GPCPD1: variants seen among roughly 807,000 people sequenced by gnomAD.
GPCPD1 encodes glycerophosphocholine phosphodiesterase GPCPD1.
A neutral mutation model predicts 89.2 loss-of-function variants in GPCPD1; 29 were observed. The observed-to-expected ratio is 0.33, with a 90% CI of 0.24 to 0.44. The LOEUF is 0.44. Among genes scored for constraint, GPCPD1 ranks in the 20% least tolerant of loss-of-function variants. GPCPD1 has a pLI of 1.00. For synonymous variants in GPCPD1, 258 were observed against 266.3 expected, an observed-to-expected ratio of 0.97 and a Z score of 0.30; for missense variants, 594 against 808.9, an observed-to-expected ratio of 0.73 and a Z score of 3.22.
intron 7 of GPCPD1, among the ~76,000 whole-genome samples, chr20:5,579,567 T>C (rs1978326050): frequency 6.6e-6 from 1 of 152,148 alleles, no homozygotes; most frequent in African/African-American, 2.4e-5. Context: ...AGTCTGGTCT[T>C]GAACTCCCGA....
At position 5,547,820 on chromosome 20, in the gene GPCPD1, A is replaced by G. The variant is rs563214048; in HGVS notation, c.1860T>C (p.Asn620=). Reference sequence around the variant, plus strand: ...GTTCCAATTGCTCCACTTGGAATATATTTGGTTGTTCAGGCATCCAATCAT... The same window carrying G: ...GTTCCAATTGCTCCACTTGGAATATGTTTGGTTGTTCAGGCATCCAATCAT... The part of the protein sequence containing the change: ...RIYDWMPEQP[N]IFQVEQLERL... The change falls in exon 20 of 20, where the codon AAT becomes AAC. Residue 620 remains asparagine, a synonymous_variant. Coordinates refer to ENST00000379019, the MANE Select transcript of GPCPD1 (RefSeq NM_019593.5). The G allele has an allele frequency of 3.5e-5, 56 of 1,606,774 alleles. 2 individuals carry two copies. In the South Asian group the frequency reaches 5.0e-4, roughly 14 times the overall value.
chr20:5,580,240 T>A (rs1978362188), intron 6 of GPCPD1, 109 bp from the exon 7 acceptor site: 3 of 563,986 alleles, frequency 5.3e-6, no homozygotes, highest in Non-Finnish European at 6.3e-6. Context: ...TTTTTTTTTT[T>A]AACCTCCAAA....
chr20:5,598,643 A>C, intron 3 of GPCPD1, 82 bp downstream of exon 3: 1 of 770,840 alleles, frequency 1.3e-6, no homozygotes, highest in Non-Finnish European at 2.2e-6. Context: ...CTAAAAGAAA[A>C]AATACCAAGA....
intron 15 of GPCPD1, 82 bp from the exon 16 acceptor site, chr20:5,561,612 TA>T (rs1403931937): frequency 1.6e-6 from 1 of 639,222 alleles, no homozygotes; most frequent in East Asian, 2.9e-5. Flanking sequence ...CAATTATTAC[TA>T]AAAATAATAA....
chr20:5,553,273 G>C (rs1985538584), intron 19 of GPCPD1, among the ~76,000 whole-genome samples: 1 of 152,138 alleles, frequency 6.6e-6, no homozygotes, highest in Admixed American at 6.5e-5. Context: ...TGTCACTATT[G>C]TAATTGTTTT....
intron 4 of GPCPD1, among the ~76,000 whole-genome samples, chr20:5,591,371 G>A (rs994740035): frequency 6.6e-6 from 1 of 152,156 alleles, no homozygotes; most frequent in Non-Finnish European, 1.5e-5. Flanking sequence ...GCAATGAAAG[G>A]ATCTAAAAAT....
chr20:5,593,598 C>G (rs980458197), intron 3 of GPCPD1, among the ~76,000 whole-genome samples, 187 bp from the exon 4 acceptor site: 2 of 152,142 alleles, frequency 1.3e-5, no homozygotes, highest in Non-Finnish European at 2.9e-5. Context: ...GCAGAAAGAG[C>G]CTTATCTTCA....
At chr20:5,552,065 G>C (rs1985445613) in intron 19 of GPCPD1, among the ~76,000 whole-genome samples, 1 of 152,208 alleles carries the variant, frequency 6.6e-6, no homozygotes, top group Non-Finnish European at 1.5e-5. Flanking sequence ...GTCTCAGCCA[G>C]AGACAATGGA....
intron 15 of GPCPD1, among the ~76,000 whole-genome samples, chr20:5,564,746 T>A (rs1447452687): frequency 1.3e-5 from 2 of 151,776 alleles, no homozygotes; most frequent in Non-Finnish European, 2.9e-5. Context: ...CTGAGTGAGG[T>A]GGGAGGATCG....
intron 11 of GPCPD1, among the ~76,000 whole-genome samples, chr20:5,573,597 A>G (rs1314257555): frequency 6.6e-6 from 1 of 152,212 alleles, no homozygotes; most frequent in Admixed American, 6.5e-5. Context: ...TTTAAAAATT[A>G]GCCAGGCATG....
chr20:5,610,853 C>T lies in GPCPD1; in HGVS notation c.-40G>A, dbSNP rs1380567069. On this transcript the variant is annotated 5_prime_UTR_variant, in exon 1 of 20. Coordinates refer to ENST00000379019, the MANE Select transcript of GPCPD1 (RefSeq NM_019593.5). ...GCTCGCTGCCTCACCTCCGGGTTCG[C>T]TAGTCCGCAGGTCCGCGTCGCCGCC... is the stretch of plus-strand genomic sequence containing the variant. 6.6e-6 allele frequency: 1 copy of T among 151,566 alleles called. No homozygotes were observed. The highest frequency in any genetic ancestry group is 1.5e-5 in the Non-Finnish European group (1 of 67,912). 9.4% of individuals were successfully genotyped at this position (151,566 alleles called of 1,614,324 possible).
At chr20:5,550,800 A>G (rs919282693) in intron 19 of GPCPD1, among the ~76,000 whole-genome samples, 1 of 152,242 alleles carries the variant, frequency 6.6e-6, no homozygotes, top group African/African-American at 2.4e-5. Flanking sequence ...GACATGTCCC[A>G]TAAAACTCAT....
intron 19 of GPCPD1, chr20:5,549,546 T>C (rs1985246076): frequency 6.4e-6 from 6 of 938,226 alleles, no homozygotes; most frequent in East Asian, 3.2e-5. Flanking sequence ...AATCGAGATT[T>C]TGGAGCTGAA....
intron 19 of GPCPD1, chr20:5,549,554 G>A (rs1985246293): frequency 3.4e-6 from 3 of 871,086 alleles, no homozygotes; most frequent in South Asian, 2.7e-5. Flanking sequence ...TTTTGGAGCT[G>A]AATCAAAGCC....
chr20:5,553,490 A>C (rs1227098717), intron 19 of GPCPD1, among the ~76,000 whole-genome samples: 1 of 152,220 alleles, frequency 6.6e-6, no homozygotes, highest in East Asian at 1.9e-4. Flanking sequence ...ATAAAAAACT[A>C]GAAATGATTA....
chr20:5,553,957 T>C lies in GPCPD1; in HGVS notation c.1829+3988A>G, dbSNP rs530111452. 2.4e-3 allele frequency among the ~76,000 whole-genome samples: 209 copies of C among 87,716 alleles called. 37 individuals are homozygous for C. Among genetic ancestry groups the C allele is most frequent in the African/African-American group, 0.011 (199 of 18,636 alleles). The allele number at this position is 87,716 out of a possible 152,430, so 57.5% of individuals were successfully genotyped here. A position where few individuals can be genotyped will look rare whatever the true frequency, so the allele number is the denominator to read the frequency against. ...AGATCACTTAACAAAGTGGCTACATTGAACAACAGATTTTCTTTTCTTTTT... is the reference window on the plus strand; with the variant it reads ...AGATCACTTAACAAAGTGGCTACATCGAACAACAGATTTTCTTTTCTTTTT... On this transcript the variant is annotated intron_variant, in intron 19 of 19. Transcript: ENST00000379019.
At position 5,577,002 on chromosome 20, in the gene GPCPD1, C is replaced by G. The variant is rs1568660199; in HGVS notation, c.706-1024G>C. On this transcript the variant is annotated intron_variant, in intron 8 of 19. Transcript: ENST00000379019. ...GGAGGATCGCTTGAGCCCAGGAGTTCAAGACCAGCCTGGGCAACAAAGACC... is the reference window on the plus strand; with the variant it reads ...GGAGGATCGCTTGAGCCCAGGAGTTGAAGACCAGCCTGGGCAACAAAGACC... Among the ~76,000 whole-genome samples the G allele has an allele frequency of 2.7e-5, 4 of 150,298 alleles. No homozygotes were observed. The South Asian group carries it at 8.4e-4, about 32-fold the overall frequency.
intron 6 of GPCPD1, 87 bp from the exon 7 acceptor site, chr20:5,580,218 G>A (rs375199200): frequency 9.5e-6 from 6 of 631,176 alleles, no homozygotes; most frequent in East Asian, 8.9e-5. Context: ...GATAATTCTA[G>A]TTCACATTCA....
chr20:5,581,894 A>G (rs1001572892), intron 6 of GPCPD1, among the ~76,000 whole-genome samples: 3 of 137,732 alleles, frequency 2.2e-5, no homozygotes, highest in African/African-American at 8.4e-5. Context: ...AGCAAAAACT[A>G]CTACTCCAGG....
Sources: allele counts gnomAD v4.1 joint callset (sites outside exome capture counted in the v4.1 genomes callset), GRCh38; gene constraint gnomAD v4.1.1; transcripts MANE v1.5; gene names NCBI Gene and HGNC (gene_info 2026-07-23, HGNC 2026-07-21).